Variants in CLASP2 observed in about 807,000 individuals in gnomAD.
CLASP2 encodes the protein cytoplasmic linker associated protein 2.
In CLASP2, 47 loss-of-function variants were observed where a neutral mutation model predicts 194.4. The observed-to-expected ratio is 0.24, with a 90% CI of 0.19 to 0.31. The LOEUF is 0.31. Among genes scored for constraint, CLASP2 ranks in the 10% least tolerant of loss-of-function variants. The pLI is 1.00. For synonymous variants in CLASP2, 619 were observed against 633.5 expected, an observed-to-expected ratio of 0.98 and a Z score of 0.34; for missense variants, 1,445 against 1,823.6, an observed-to-expected ratio of 0.79 and a Z score of 3.78.
chr3:33,695,962 G>A (rs2091851739), intron 2 of CLASP2, among the ~76,000 whole-genome samples: 1 of 152,124 alleles, frequency 6.6e-6, no homozygotes, highest in Admixed American at 6.5e-5. Context: ...ACCATACAAA[G>A]AAGAGCATTA....
chr3:33,678,756 C>T (rs1033574904), intron 6 of CLASP2, among the ~76,000 whole-genome samples: 12 of 152,048 alleles, frequency 7.9e-5, no homozygotes. Flanking sequence ...AGCTCTGATG[C>T]AAGAAACCAA....
intron 32 of CLASP2, among the ~76,000 whole-genome samples, chr3:33,541,622 A>G (rs2058381260): frequency 6.6e-6 from 1 of 152,172 alleles, no homozygotes; most frequent in South Asian, 2.1e-4. Context: ...TCTGCTAAGG[A>G]TAACAGTCTC....
At chr3:33,663,295 C>G (rs1052904172) in intron 7 of CLASP2, 150 bp downstream of exon 7, 5 of 426,618 alleles carry the variant, frequency 1.2e-5, no homozygotes, top group Non-Finnish European at 2.1e-5. Context: ...AGATAATTAT[C>G]AGCAGGATGT....
intron 18 of CLASP2, among the ~76,000 whole-genome samples, chr3:33,597,107 T>C (rs751306420): frequency 6.6e-6 from 1 of 152,156 alleles, no homozygotes; most frequent in Admixed American, 6.6e-5. Context: ...GCCTATAATA[T>C]ACCCCCAAAT....
intron 1 of CLASP2, among the ~76,000 whole-genome samples, chr3:33,708,554 A>ATATG (rs2092839860): frequency 2.1e-5 from 3 of 142,476 alleles, no homozygotes; most frequent in Admixed American, 2.1e-4. Context: ...GTATATATAT[A>ATATG]TATATATACA....
At chr3:33,548,763 CTTTTTTTTT>C (rs57112524) in intron 30 of CLASP2, among the ~76,000 whole-genome samples, 1 of 93,146 alleles carries the variant, frequency 1.1e-5, no homozygotes, top group Non-Finnish European at 2.1e-5. Flanking sequence ...GGTTTCATTT[CTTTTTTTTT>C]TTTTTTTTTT....
At chr3:33,673,820 C>T (rs1013598113) in intron 6 of CLASP2, among the ~76,000 whole-genome samples, 1 of 152,136 alleles carries the variant, frequency 6.6e-6, no homozygotes, top group Non-Finnish European at 1.5e-5. Flanking sequence ...AGACTTTAAA[C>T]CAACAAAGAT....
intron 30 of CLASP2, among the ~76,000 whole-genome samples, chr3:33,548,737 A>G (rs902985483): frequency 6.0e-5 from 9 of 151,026 alleles, no homozygotes; most frequent in African/African-American, 2.2e-4. Flanking sequence ...TTCCTGCCAC[A>G]ATAGGTAACG....
Position 33,622,204 on chromosome 3 carries a change from T to G in CLASP2, c.1112A>C (p.Asp371Ala). 8 of 1,605,024 alleles carry G rather than the reference T, an allele frequency of 5.0e-6. No homozygotes were observed. The highest frequency in any genetic ancestry group is 6.8e-6 in the Non-Finnish European group (8 of 1,175,762). ...DCFFQHLRLL[D>A]GALKLSAKDL... ...CTTAGCTGAAAGTTTAAGTGCTCCATCCAACAATCGTAAATGTTGAAAAAA... is the reference window on the plus strand; with the variant it reads ...CTTAGCTGAAAGTTTAAGTGCTCCAGCCAACAATCGTAAATGTTGAAAAAA... The change falls in exon 11 of 39, where the codon GAT becomes GCT. Residue 371 changes from aspartate to alanine, a missense_variant. Around this residue, in one of 4 missense-constraint regions of CLASP2, gnomAD observed 207 missense variants for 331.4 expected, o/e 0.62. Coordinates refer to ENST00000682230, the MANE Select transcript of CLASP2 (RefSeq NM_001365631.1).
At position 33,628,296 on chromosome 3, in the gene CLASP2, C is replaced by T. The variant is rs559663324; in HGVS notation, c.943-1216G>A. ...TGAGCTAGCTCTTTCCTGCCTCTCA[C>T]CTTCTCTTCACAATACCCCTCTGCC... On this transcript the variant is annotated intron_variant, in intron 9 of 38. Transcript: ENST00000682230. 2.0e-5 allele frequency among the ~76,000 whole-genome samples: 3 copies of T among 152,226 alleles called. No individual in the cohort carries two copies. In the South Asian group the frequency reaches 6.2e-4, roughly 32 times the overall value.
chr3:33,537,152 C>G (rs1410757245), intron 33 of CLASP2, among the ~76,000 whole-genome samples: 1 of 152,058 alleles, frequency 6.6e-6, no homozygotes, highest in Non-Finnish European at 1.5e-5. Context: ...CCAAAATTCA[C>G]AATTTGAGTT....
Position 33,684,375 on chromosome 3 carries a change from C to T in CLASP2, c.628G>A (p.Gly210Arg), listed in dbSNP as rs750750584. Residue 210 changes from glycine to arginine, a missense_variant, in exon 6 of 39, where the codon GGA becomes AGA. This residue lies in a region of CLASP2 where 332 missense variants were observed against 325.3 expected (regional missense o/e 1.02). Transcript: ENST00000682230. ...EKVRMDLYKRGIPPARLEMIF... is the reference protein window; with the variant it reads ...EKVRMDLYKRRIPPARLEMIF... ...AAGACTTACCTAGCAGGGGGAATTC[C>T]TCTCTTATAAAGATCCATCCTCACT... The T allele has an allele frequency of 1.9e-6, 3 of 1,587,268 alleles. No homozygotes were observed. In the Admixed American group the frequency reaches 5.3e-5, roughly 28 times the overall value.
intron 18 of CLASP2, among the ~76,000 whole-genome samples, chr3:33,598,339 T>A (rs573792263): frequency 2.0e-5 from 3 of 152,036 alleles, no homozygotes; most frequent in African/African-American, 7.2e-5. Flanking sequence ...CCAATCACAC[T>A]CTTCTTAATG....
rs924918348 is a variant in CLASP2 at position 33,596,526 on chromosome 3, G to T, written c.1948+185C>A. 1.5e-5 allele frequency: 9 copies of T among 613,002 alleles called. No homozygotes were observed. In the African/African-American group the frequency reaches 1.7e-4, roughly 11 times the overall value. The allele number at this position is 613,002 out of a possible 1,614,324, so 38.0% of individuals were successfully genotyped here. ...ATTTGAGCAGACTGGGATATGGTAT[G>T]CCCAATAGATATCCCTAACCCCAAA... On this transcript the variant is annotated intron_variant, in intron 19 of 38. Transcript: ENST00000682230.
intron 7 of CLASP2, among the ~76,000 whole-genome samples, chr3:33,654,027 A>G (rs545956912): frequency 6.8e-6 from 1 of 146,770 alleles, no homozygotes; most frequent in South Asian, 2.1e-4. Flanking sequence ...TTTGCTCTGA[A>G]CTGTCAAAAA....
Position 33,685,342 on chromosome 3 carries a change from C to CAAAAAAAAAA in CLASP2, c.547-896_547-887dup, listed in dbSNP as rs56240569. Among the ~76,000 whole-genome samples, 3 of 48,146 alleles carry CAAAAAAAAAA rather than the reference C, an allele frequency of 6.2e-5. 1 individual carries two copies. The highest frequency in any genetic ancestry group is 1.2e-4 in the Non-Finnish European group (3 of 25,686). The allele number at this position is 48,146 out of a possible 152,430, so 31.6% of individuals were successfully genotyped here. On this transcript the variant is annotated intron_variant, in intron 5 of 38. Coordinates refer to ENST00000682230, the MANE Select transcript of CLASP2 (RefSeq NM_001365631.1). ...GGGCAACAAGAGCGAAACTCCGTCT[C>CAAAAAAAAAA]AAAAAAAAAAAAAAAAAAAAAAAAA...
intron 7 of CLASP2, among the ~76,000 whole-genome samples, chr3:33,657,697 T>C (rs1399566445): frequency 6.6e-6 from 1 of 152,138 alleles, no homozygotes; most frequent in East Asian, 1.9e-4. Flanking sequence ...AATTATTTTC[T>C]CATTTATTTC....
intron 6 of CLASP2, chr3:33,683,331 T>C (rs2090118260): frequency 6.6e-6 from 1 of 152,216 alleles, no homozygotes; most frequent in Non-Finnish European, 1.5e-5. Context: ...TTAAAACATT[T>C]CAGCTGACTG....
At position 33,498,372 on chromosome 3, in the gene CLASP2, T is replaced by A. The variant is rs910000360; in HGVS notation, c.*259A>T. ...AAGTACAAACATGTGAAATGATGAA[T>A]TAAATTAAAAATTACTTTGTGTCGA... is the stretch of plus-strand genomic sequence containing the variant. On this transcript the variant is annotated 3_prime_UTR_variant, in exon 39 of 39. Coordinates refer to ENST00000682230, the MANE Select transcript of CLASP2 (RefSeq NM_001365631.1). The A allele has an allele frequency of 4.7e-5, 15 of 322,012 alleles. No individual in the cohort carries two copies. The highest frequency in any genetic ancestry group is 2.8e-4 in the African/African-American group (13 of 46,922). 19.9% of individuals were successfully genotyped at this position (322,012 alleles called of 1,614,324 possible).
Sources: allele counts gnomAD v4.1 joint callset (sites outside exome capture counted in the v4.1 genomes callset), GRCh38; gene constraint gnomAD v4.1.1; regional missense constraint gnomAD v4.1.1; transcripts MANE v1.5; gene names NCBI Gene and HGNC (gene_info 2026-07-23, HGNC 2026-07-21).